USP34: variants seen among roughly 807,000 people sequenced by gnomAD.
USP34 encodes ubiquitin carboxyl-terminal hydrolase 34.
In USP34, 70 loss-of-function variants were observed where a neutral mutation model predicts 460.3. The observed-to-expected ratio is 0.15, with a 90% confidence interval of 0.13 to 0.19. USP34 has a LOEUF of 0.19. Among genes scored for constraint, USP34 ranks in the 10% least tolerant of loss-of-function variants. The probability of loss-of-function intolerance (pLI) is 1.00; values close to 1 mark genes in which losing one functional copy is unlikely to be tolerated. For missense variants in USP34, 3,985 were observed against 4,236.2 expected (o/e 0.94, Z 1.65); for synonymous variants, 1,647 against 1,405.3 (o/e 1.17, Z -3.85).
intron 27 of USP34, among the ~76,000 whole-genome samples, chr2:61,303,029 A>G (rs1690276903): frequency 6.6e-6 from 1 of 152,174 alleles, no homozygotes; most frequent in South Asian, 2.1e-4. Flanking sequence ...CTTATCTCCA[A>G]AAGTTTTATT....
chr2:61,385,136 C>T (rs945468842), intron 5 of USP34, among the ~76,000 whole-genome samples: 1 of 151,986 alleles, frequency 6.6e-6, no homozygotes, highest in African/African-American at 2.4e-5. Context: ...AAACGATTCC[C>T]TTAAGAACAG....
intron 38 of USP34, among the ~76,000 whole-genome samples, 185 bp downstream of exon 38, chr2:61,280,905 G>C (rs138081277): frequency 1.8e-4 from 28 of 152,224 alleles, no homozygotes; most frequent in African/African-American, 6.7e-4. Flanking sequence ...TCTCTTCCTA[G>C]TAGTAACATG....
At chr2:61,467,065 G>A (rs1294960697) in intron 1 of USP34, among the ~76,000 whole-genome samples, 1 of 152,012 alleles carries the variant, frequency 6.6e-6, no homozygotes, top group Non-Finnish European at 1.5e-5. Context: ...TAGCATTTTG[G>A]GAGACGGAAG....
chr2:61,297,551 G>A (rs1690065838), intron 29 of USP34, among the ~76,000 whole-genome samples: 1 of 152,306 alleles, frequency 6.6e-6, no homozygotes, highest in African/African-American at 2.4e-5. Flanking sequence ...GTACCACCCT[G>A]AGAGGTAAAA....
At chr2:61,317,572 G>T (rs2103689750) in intron 23 of USP34, 82 bp downstream of exon 23, 1 of 1,239,906 alleles carries the variant, frequency 8.1e-7, no homozygotes, top group East Asian at 2.4e-5. Flanking sequence ...TCTATACTTT[G>T]TAGAAAAATA....
intron 10 of USP34, among the ~76,000 whole-genome samples, chr2:61,369,800 G>A (rs1181759508): frequency 6.6e-6 from 1 of 150,866 alleles, no homozygotes; most frequent in Non-Finnish European, 1.5e-5. Flanking sequence ...TGGTTGGTAT[G>A]CTACATTTGT....
chr2:61,417,071 G>A lies in USP34; in HGVS notation c.131+3675C>T, dbSNP rs1435235219. 1.5e-5 allele frequency: 21 copies of A among 1,379,286 alleles called. No homozygotes were observed. The Admixed American group carries it at 3.2e-4, about 21-fold the overall frequency. 85.4% of individuals were successfully genotyped at this position (1,379,286 alleles called of 1,614,324 possible). On this transcript the variant is annotated intron_variant, in intron 2 of 79. Coordinates refer to ENST00000398571, the MANE Select transcript of USP34 (RefSeq NM_014709.4). The stretch of plus-strand genomic sequence containing the variant: ...CCGGGGAACTTGAACTTGGCCCTGA[G>A]CAGGACCTCAATCACATGCGCCTTG...
At chr2:61,461,896 G>A (rs936073932) in intron 1 of USP34, among the ~76,000 whole-genome samples, 3 of 152,092 alleles carry the variant, frequency 2.0e-5, no homozygotes, top group Non-Finnish European at 2.9e-5. Context: ...TAATATGGGA[G>A]AACTGGAAAC....
chr2:61,257,301 G>T lies in USP34; in HGVS notation c.5894C>A (p.Thr1965Asn). 1.9e-6 allele frequency: 3 copies of T among 1,612,760 alleles called. No individual in the cohort carries two copies. Among genetic ancestry groups the T allele is most frequent in the Non-Finnish European group, 1.7e-6 (2 of 1,179,358 alleles). Residue 1965 changes from threonine to asparagine, a missense_variant, in exon 45 of 80, where the codon ACC becomes AAC. Transcript: ENST00000398571. Reference protein sequence around the residue: ...YNPRPFCKTYTMDKQPLNTGE... With the variant: ...YNPRPFCKTYNMDKQPLNTGE... ...AGTATTCAGAGGCTGCTTATCCATG[G>T]TGTATGTTTTACAGAAAGGTCTAGG...
In USP34 at chr2:61,276,265, T is replaced by G. The variant is rs182717833; in HGVS notation, c.5433+1900A>C. Among the ~76,000 whole-genome samples, 16 of 152,302 alleles carry G rather than the reference T, an allele frequency of 1.1e-4. No individual in the cohort carries two copies. The East Asian group carries it at 2.9e-3, about 28-fold the overall frequency. On this transcript the variant is annotated intron_variant, in intron 41 of 79. Transcript: ENST00000398571. ...AAACTACGGATTAAAATCAACCTATTTTACTTTTAAGAGTTCTTGAGTAAA... is the reference window on the plus strand; with the variant it reads ...AAACTACGGATTAAAATCAACCTATGTTACTTTTAAGAGTTCTTGAGTAAA...
chr2:61,317,165 A>G (rs1267889041), intron 23 of USP34, among the ~76,000 whole-genome samples: 1 of 152,226 alleles, frequency 6.6e-6, no homozygotes, highest in Non-Finnish European at 1.5e-5. Flanking sequence ...ATAGATTTTC[A>G]TTAAGCACAC....
At chr2:61,195,809 G>C (rs1024626404) in intron 75 of USP34, among the ~76,000 whole-genome samples, 2 of 152,158 alleles carry the variant, frequency 1.3e-5, no homozygotes, top group African/African-American at 4.8e-5. Context: ...ACTAGAGGCT[G>C]CTCTGACATT....
intron 1 of USP34, among the ~76,000 whole-genome samples, chr2:61,452,622 C>T (rs1015815602): frequency 1.3e-5 from 2 of 151,834 alleles, no homozygotes; most frequent in African/African-American, 2.4e-5. Context: ...ACCGTGCTGG[C>T]CTGTAATCCC....
At chr2:61,378,505 C>A (rs753313182) in intron 7 of USP34, 81 bp from the exon 8 acceptor site, 6 of 856,272 alleles carry the variant, frequency 7.0e-6, no homozygotes, top group Non-Finnish European at 9.4e-6. Context: ...ACATGGTAAA[C>A]TGATTGACAT....
chr2:61,380,140 T>C (rs774237034), intron 7 of USP34, 29 bp downstream of exon 7: 5 of 1,592,780 alleles, frequency 3.1e-6, no homozygotes, highest in South Asian at 1.1e-5. Flanking sequence ...AAATAAACGA[T>C]GACCAAAAAT....
At chr2:61,418,765 C>T (rs1694273256) in intron 2 of USP34, among the ~76,000 whole-genome samples, 1 of 152,176 alleles carries the variant, frequency 6.6e-6, no homozygotes, top group African/African-American at 2.4e-5. Flanking sequence ...ACTATTTTTA[C>T]CTGTTCTCCC....
intron 1 of USP34, among the ~76,000 whole-genome samples, chr2:61,422,713 C>A (rs1024053006): frequency 6.6e-6 from 1 of 152,170 alleles, no homozygotes; most frequent in South Asian, 2.1e-4. Context: ...AAGGATTACA[C>A]AAGAAGAACT....
chr2:61,239,300 T>TCACATA (rs1553355589), intron 53 of USP34, among the ~76,000 whole-genome samples: 1 of 132,768 alleles, frequency 7.5e-6, no homozygotes, highest in Admixed American at 7.8e-5. Flanking sequence ...GAGGGCCCTG[T>TCACATA]CACACACACA....
intron 48 of USP34, among the ~76,000 whole-genome samples, chr2:61,255,131 G>T (rs1688691186): frequency 6.6e-6 from 1 of 152,092 alleles, no homozygotes; most frequent in Admixed American, 6.6e-5. Flanking sequence ...TATGTGTAAG[G>T]CAATTTTTAT....
Sources: allele counts gnomAD v4.1 joint callset (sites outside exome capture counted in the v4.1 genomes callset), GRCh38; gene constraint gnomAD v4.1.1; transcripts MANE v1.5; gene names NCBI Gene and HGNC (gene_info 2026-07-23, HGNC 2026-07-21).